Variants in CLDN10 observed in about 807,000 individuals in gnomAD.
The protein encoded by CLDN10 is claudin-10.
Under a neutral mutation model 22.9 loss-of-function variants are expected in CLDN10, and 15 were observed. The observed-to-expected ratio is 0.65, with a 90% CI of 0.44 to 1.01. The LOEUF (loss-of-function observed/expected upper bound fraction) is 1.01. Ranked by LOEUF, CLDN10 falls within the 50% of genes least tolerant of loss-of-function variation. The pLI, the probability that CLDN10 is intolerant of heterozygous loss-of-function variation, is 0.00. For synonymous variants in CLDN10, 114 were observed against 111.4 expected (o/e 1.02, Z -0.15); for missense variants, 247 against 287.8 (o/e 0.86, Z 1.03).
At chr13:95,435,096 G>T (rs1023078076) in intron 1 of CLDN10, among the ~76,000 whole-genome samples, 10 of 151,394 alleles carry the variant, frequency 6.6e-5, no homozygotes, top group Admixed American at 4.7e-4. Flanking sequence ...TCTCAAAGAG[G>T]GAACATATAT....
intron 1 of CLDN10, among the ~76,000 whole-genome samples, chr13:95,471,941 ATTTTTTT>A (rs58891166): frequency 3.7e-4 from 35 of 95,816 alleles, no homozygotes; most frequent in East Asian, 1.2e-3. Context: ...ACACTCAGCT[ATTTTTTT>A]TTTTTTTTTT....
Position 95,552,832 on chromosome 13 carries a change from A to G in CLDN10, c.79A>G (p.Thr27Ala). Reference sequence around the variant, plus strand: ...GGTACTGGTGTCCTCCACGCTGCCCACCGACTACTGGAAGGTGTCTACCAT... The same window carrying G: ...GGTACTGGTGTCCTCCACGCTGCCCGCCGACTACTGGAAGGTGTCTACCAT... ...GWVLVSSTLP[T>A]DYWKVSTIDG... Residue 27 changes from threonine (T) to alanine (A), a missense_variant, in exon 1 of 5, where the codon ACC becomes GCC. Coordinates refer to ENST00000299339, the MANE Select transcript of CLDN10 (RefSeq NM_006984.5). 6.2e-7 allele frequency: 1 copy of G among 1,614,068 alleles called. No homozygotes were observed. The highest frequency in any genetic ancestry group is 8.5e-7 in the Non-Finnish European group (1 of 1,179,978).
chr13:95,464,380 C>T (rs1229303622), intron 1 of CLDN10, among the ~76,000 whole-genome samples: 3 of 152,048 alleles, frequency 2.0e-5, no homozygotes, highest in East Asian at 3.9e-4. Context: ...CGATAGTTTG[C>T]TGAGAATGAT....
intron 1 of CLDN10, among the ~76,000 whole-genome samples, chr13:95,465,532 G>A (rs922984535): frequency 1.3e-5 from 2 of 152,168 alleles, no homozygotes; most frequent in South Asian, 2.1e-4. Context: ...TAGAGTACTT[G>A]CCCTAAAACT....
intron 1 of CLDN10, among the ~76,000 whole-genome samples, chr13:95,541,364 A>C (rs915764704): frequency 6.6e-6 from 1 of 152,196 alleles, no homozygotes; most frequent in Non-Finnish European, 1.5e-5. Flanking sequence ...GCAAAACTTA[A>C]GCCAACTTTG....
At chr13:95,564,877 C>T (rs2043762134) in intron 3 of CLDN10, among the ~76,000 whole-genome samples, 1 of 152,178 alleles carries the variant, frequency 6.6e-6, no homozygotes, top group Non-Finnish European at 1.5e-5. Context: ...TCCTTTCCCA[C>T]CACGTATCTG....
intron 1 of CLDN10, among the ~76,000 whole-genome samples, chr13:95,470,139 A>G (rs375715582): frequency 2.6e-5 from 4 of 152,214 alleles, no homozygotes; most frequent in Non-Finnish European, 5.9e-5. Flanking sequence ...AAGTTAGTGA[A>G]GTGGAGAACT....
chr13:95,451,615 C>T (rs2042432520), intron 1 of CLDN10, among the ~76,000 whole-genome samples: 1 of 152,170 alleles, frequency 6.6e-6, no homozygotes, highest in Non-Finnish European at 1.5e-5. Context: ...TTTCTTGTGG[C>T]TTTGCTACTC....
At chr13:95,485,092 G>A (rs573217197) in intron 1 of CLDN10, among the ~76,000 whole-genome samples, 8 of 151,982 alleles carry the variant, frequency 5.3e-5, no homozygotes, top group Non-Finnish European at 1.0e-4. Flanking sequence ...AGGGAAGGAC[G>A]ACACTGCCCC....
At chr13:95,452,921 C>T (rs1039026584) in intron 1 of CLDN10, among the ~76,000 whole-genome samples, 2 of 152,320 alleles carry the variant, frequency 1.3e-5, no homozygotes, top group South Asian at 4.1e-4. Flanking sequence ...CTGACTCCAA[C>T]CATACACACA....
At chr13:95,455,620 C>A (rs2042475198) in intron 1 of CLDN10, among the ~76,000 whole-genome samples, 1 of 152,074 alleles carries the variant, frequency 6.6e-6, no homozygotes, top group African/African-American at 2.4e-5. Flanking sequence ...TGAATAAATT[C>A]TTTATTCATG....
At chr13:95,478,179 A>G (rs1055479383) in intron 1 of CLDN10, among the ~76,000 whole-genome samples, 12 of 152,130 alleles carry the variant, frequency 7.9e-5, no homozygotes, top group Non-Finnish European at 1.2e-4. Flanking sequence ...ATGGTGGTGC[A>G]TGCCTGTAGT....
intron 1 of CLDN10, among the ~76,000 whole-genome samples, chr13:95,499,830 T>C (rs938168166): frequency 1.3e-5 from 2 of 152,202 alleles, no homozygotes; most frequent in Admixed American, 1.3e-4. Context: ...ATACCAAGGG[T>C]ATCCGATCTT....
intron 1 of CLDN10, among the ~76,000 whole-genome samples, chr13:95,447,332 G>A (rs1449123959): frequency 2.0e-5 from 3 of 152,164 alleles, no homozygotes; most frequent in East Asian, 1.9e-4. Flanking sequence ...TGCAGTGGCC[G>A]AGGTCCTTCC....
At chr13:95,445,248 T>C (rs557776478) in intron 1 of CLDN10, among the ~76,000 whole-genome samples, 21 of 152,230 alleles carry the variant, frequency 1.4e-4, no homozygotes, top group Non-Finnish European at 2.9e-4. Context: ...ATAATTGGAA[T>C]GGCTGACACC....
chr13:95,504,993 A>G (rs2043023520), intron 1 of CLDN10, among the ~76,000 whole-genome samples: 1 of 152,248 alleles, frequency 6.6e-6, no homozygotes, highest in South Asian at 2.1e-4. Flanking sequence ...CTCTTCCCCC[A>G]ACTCAAGAAC....
Position 95,577,320 on chromosome 13 carries a change from A to G in CLDN10, c.554A>G (p.Asp185Gly), listed in dbSNP as rs2043947900. The G allele has an allele frequency of 3.1e-6, 5 of 1,612,192 alleles. No homozygotes were observed. The African/African-American group carries it at 4.0e-5, about 13-fold the overall frequency. The change falls in exon 4 of 5, where the codon GAC becomes GGC. Residue 185 changes from aspartate to glycine, a missense_variant. Transcript: ENST00000299339. ...GGVIFCFSIS[D>G]NNKTPRYTYN... ...GTCATATTTTGCTTTTCAATATCTG[A>G]CAACAACAAAACACCCAGGTATGAA... is the stretch of plus-strand genomic sequence containing the variant.
chr13:95,434,166 G>A (rs1349770723), intron 1 of CLDN10: 2 of 804,692 alleles, frequency 2.5e-6, no homozygotes, highest in East Asian at 5.2e-5. Context: ...TAATCAAAGT[G>A]CCAAGATTTG....
chr13:95,566,466 G>A (rs1337958771), intron 3 of CLDN10, among the ~76,000 whole-genome samples: 2 of 152,024 alleles, frequency 1.3e-5, no homozygotes, highest in Non-Finnish European at 1.5e-5. Flanking sequence ...ACTTTTTGAT[G>A]GGGTTGTTTT....
Sources: allele counts gnomAD v4.1 joint callset (sites outside exome capture counted in the v4.1 genomes callset), GRCh38; gene constraint gnomAD v4.1.1; transcripts MANE v1.5; gene names NCBI Gene and HGNC (gene_info 2026-07-23, HGNC 2026-07-21).